The following LCP2 variants were observed in gnomAD, a reference collection of about 807,000 sequenced individuals.
LCP2 encodes 76 kDa tyrosine phosphoprotein.
In LCP2, 29 loss-of-function variants were observed where a neutral mutation model predicts 74.5. That is an observed-to-expected ratio of 0.39 (90% CI 0.29 to 0.53). The LOEUF is 0.53. LCP2 is among the 20% of genes least tolerant of loss of function. LCP2 has a pLI of 0.72. For missense variants in LCP2, 604 were observed against 634.6 expected, an observed-to-expected ratio of 0.95 and a Z score of 0.52; for synonymous variants, 228 against 229.5, an observed-to-expected ratio of 0.99 and a Z score of 0.06.
chr5:170,292,132 A>C (rs1335650164), intron 2 of LCP2, among the ~76,000 whole-genome samples: 1 of 152,216 alleles, frequency 6.6e-6, no homozygotes, highest in African/African-American at 2.4e-5. Context: ...ATCACATCTT[A>C]GCCATTTCTC....
chr5:170,261,046 C>T, intron 14 of LCP2, 61 bp downstream of exon 14: 3 of 1,322,820 alleles, frequency 2.3e-6, no homozygotes, highest in Non-Finnish European at 3.3e-6. Flanking sequence ...TCCCAACCTC[C>T]TAAGAGCCTA....
chr5:170,275,912 C>T (rs1006647138), intron 3 of LCP2, 52 bp from the exon 4 acceptor site: 57 of 1,467,130 alleles, frequency 3.9e-5, no homozygotes, highest in Non-Finnish European at 5.3e-5. Context: ...CAGTCTCAAC[C>T]TTCCCCCTGA....
At chr5:170,278,052 T>A (rs1468760065) in intron 3 of LCP2, among the ~76,000 whole-genome samples, 1 of 151,094 alleles carries the variant, frequency 6.6e-6, no homozygotes, top group African/African-American at 2.4e-5. Context: ...ACGATGGGCA[T>A]GTGGGATAAA....
chr5:170,246,258 G>A lies in LCP2; in HGVS notation c.*2439C>T, dbSNP rs1761287805. 1.5e-6 allele frequency: 1 copy of A among 688,986 alleles called. No homozygotes were observed. The highest frequency in any genetic ancestry group is 3.1e-5 in the Admixed American group (1 of 32,132). The allele number at this position is 688,986 out of a possible 1,614,324, so 42.7% of individuals were successfully genotyped here. On this transcript the variant is annotated 3_prime_UTR_variant, in exon 21 of 21. Coordinates refer to ENST00000046794, the MANE Select transcript of LCP2 (RefSeq NM_005565.5). ...TTCATGTTCTTGAAGGCTGTTTAATGTTTTGAAGAATGGCTTAACTTACGT... is the reference window on the plus strand; with the variant it reads ...TTCATGTTCTTGAAGGCTGTTTAATATTTTGAAGAATGGCTTAACTTACGT...
chr5:170,273,422 C>A (rs315740), intron 6 of LCP2, among the ~76,000 whole-genome samples: 87,433 of 151,836 alleles, frequency 0.58, 26,123 homozygotes, highest in Middle Eastern at 0.73. Context: ...GTTTTTTTTC[C>A]AATTAAATAC....
At position 170,263,004 on chromosome 5, in the gene LCP2, A is replaced by T. The variant is rs1384409243; in HGVS notation, c.773-12T>A. 1 of 1,613,616 alleles carries T rather than the reference A, an allele frequency of 6.2e-7. No homozygotes were observed. The highest frequency in any genetic ancestry group is 8.5e-7 in the Non-Finnish European group (1 of 1,179,740). ...TGGTGGTTTCTTTCCTGTAAATGAC[A>T]GAGAGCAGATGGGCCATGAGTTCAG... On this transcript the variant is annotated splice_polypyrimidine_tract_variant and intron_variant, in intron 10 of 20. Transcript: ENST00000046794.
At chr5:170,260,111 T>G (rs972875914) in intron 14 of LCP2, among the ~76,000 whole-genome samples, 9 of 152,226 alleles carry the variant, frequency 5.9e-5, no homozygotes, top group Non-Finnish European at 1.2e-4. Flanking sequence ...AGAATGACTC[T>G]ATTCTGTGTC....
chr5:170,254,651 C>T (rs1000530145), intron 17 of LCP2, among the ~76,000 whole-genome samples: 6 of 152,150 alleles, frequency 3.9e-5, no homozygotes, highest in African/African-American at 1.4e-4. Flanking sequence ...TGAATGAAAC[C>T]TAACAATACA....
intron 6 of LCP2, among the ~76,000 whole-genome samples, chr5:170,272,954 G>T (rs2113184714): frequency 6.6e-6 from 1 of 151,378 alleles, no homozygotes; most frequent in Middle Eastern, 3.4e-3. Flanking sequence ...CTTTATAAAT[G>T]CTTGTCCCTC....
At chr5:170,251,361 T>C (rs566218739) in intron 19 of LCP2, 2 of 213,494 alleles carry the variant, frequency 9.4e-6, no homozygotes, top group Admixed American at 5.1e-5. Flanking sequence ...GATCTCTAGA[T>C]AGTCTTTCCT....
At position 170,247,715 on chromosome 5, in the gene LCP2, A is replaced by G. The variant is rs925393593; in HGVS notation, c.*982T>C. On this transcript the variant is annotated 3_prime_UTR_variant, in exon 21 of 21. Coordinates refer to ENST00000046794, the MANE Select transcript of LCP2 (RefSeq NM_005565.5). ...ATGAGGAGAAGGGACTTTATGGCAGAGCTGTCAGGGGGATAACAAGAGACA... is the reference window on the plus strand; with the variant it reads ...ATGAGGAGAAGGGACTTTATGGCAGGGCTGTCAGGGGGATAACAAGAGACA... The G allele has an allele frequency of 6.6e-6, 1 of 152,228 alleles. No individual in the cohort carries two copies. Among genetic ancestry groups the G allele is most frequent in the Admixed American group, 6.5e-5 (1 of 15,286 alleles). 9.4% of individuals were successfully genotyped at this position (152,228 alleles called of 1,614,324 possible).
chr5:170,286,234 A>G (rs1014306037), intron 3 of LCP2, among the ~76,000 whole-genome samples: 4 of 152,220 alleles, frequency 2.6e-5, no homozygotes, highest in African/African-American at 7.2e-5. Flanking sequence ...CCAACTAAAC[A>G]GGGCAGCAGA....
intron 10 of LCP2, among the ~76,000 whole-genome samples, chr5:170,266,288 A>G (rs1001276738): frequency 3.3e-5 from 5 of 152,238 alleles, no homozygotes; most frequent in African/African-American, 9.6e-5. Context: ...TGACATTTGA[A>G]TAGCACCTTA....
rs561432915 is a variant in LCP2, at chr5:170,270,816, G to A, written c.426C>T (p.Asp142=). 33 of 1,612,016 alleles carry A rather than the reference G, an allele frequency of 2.0e-5. No individual in the cohort carries two copies. Among genetic ancestry groups the A allele is most frequent in the South Asian group, 1.9e-4 (17 of 90,562 alleles). ...TGGAGGGTGGCGGCTCATAATCCGCGTCATCTTCCACGGGTGCCTCTTCCT... is the reference window on the plus strand; with the variant it reads ...TGGAGGGTGGCGGCTCATAATCCGCATCATCTTCCACGGGTGCCTCTTCCT... ...NEEEEAPVED[D]ADYEPPPSND... The change falls in exon 7 of 21, where the codon GAC becomes GAT. Residue 142 remains aspartate, a synonymous_variant. Transcript: ENST00000046794.
At chr5:170,249,259 A>C (rs927792652) in intron 20 of LCP2, among the ~76,000 whole-genome samples, 1 of 151,916 alleles carries the variant, frequency 6.6e-6, no homozygotes, top group Non-Finnish European at 1.5e-5. Context: ...TGGGAGGCAG[A>C]GGTTGCAGTG....
intron 3 of LCP2, among the ~76,000 whole-genome samples, chr5:170,280,741 C>T (rs1441407166): frequency 2.0e-5 from 3 of 152,186 alleles, no homozygotes; most frequent in Non-Finnish European, 2.9e-5. Context: ...GGTGTGGTGG[C>T]TCATGCCTGT....
intron 5 of LCP2, among the ~76,000 whole-genome samples, 164 bp downstream of exon 5, chr5:170,275,156 C>G (rs1467386851): frequency 6.6e-6 from 1 of 152,062 alleles, no homozygotes; most frequent in Admixed American, 6.5e-5. Flanking sequence ...AGATCTCCTC[C>G]CCTCCATCTA....
intron 3 of LCP2, among the ~76,000 whole-genome samples, chr5:170,285,856 C>G (rs1305434400): frequency 6.6e-6 from 1 of 152,156 alleles, no homozygotes; most frequent in Non-Finnish European, 1.5e-5. Context: ...CTCTCTGACA[C>G]CCGTTGAATG....
intron 3 of LCP2, among the ~76,000 whole-genome samples, chr5:170,285,308 T>C (rs990029454): frequency 6.6e-6 from 1 of 152,206 alleles, no homozygotes; most frequent in Non-Finnish European, 1.5e-5. Context: ...ACATTCTCCT[T>C]GTCTGCTAAT....
Sources: allele counts gnomAD v4.1 joint callset (sites outside exome capture counted in the v4.1 genomes callset), GRCh38; gene constraint gnomAD v4.1.1; transcripts MANE v1.5; gene names NCBI Gene and HGNC (gene_info 2026-07-23, HGNC 2026-07-21).